GPHN: variants seen among roughly 807,000 people sequenced by gnomAD.
GPHN encodes the protein gephyrin.
A neutral mutation model predicts 95.5 loss-of-function variants in GPHN; 17 were observed. The ratio of observed to expected loss-of-function variants is 0.18; its 90% CI spans 0.12 to 0.27. GPHN has a LOEUF of 0.27. Among genes scored for constraint, GPHN ranks in the 10% least tolerant of loss-of-function variants. GPHN has a pLI of 1.00. For missense variants in GPHN, 660 were observed against 978.1 expected, an observed-to-expected ratio of 0.67 and a Z score of 4.34; for synonymous variants, 320 against 322.5, an observed-to-expected ratio of 0.99 and a Z score of 0.08.
At chr14:66,833,996 T>C (rs1379715835) in intron 4 of GPHN, among the ~76,000 whole-genome samples, 1 of 152,198 alleles carries the variant, frequency 6.6e-6, no homozygotes. Flanking sequence ...CATTCCAGCC[T>C]GAACATTTCA....
At chr14:66,587,500 A>G (rs891242524) in intron 1 of GPHN, among the ~76,000 whole-genome samples, 3 of 152,366 alleles carry the variant, frequency 2.0e-5, no homozygotes, top group Non-Finnish European at 2.9e-5. Context: ...AATTAAATTC[A>G]GTAACACATT....
intron 2 of GPHN, among the ~76,000 whole-genome samples, chr14:66,753,859 C>G (rs2153449229): frequency 6.6e-6 from 1 of 152,124 alleles, no homozygotes; most frequent in Middle Eastern, 3.4e-3. Context: ...TTACCAGTCA[C>G]TTTTTTTCTC....
rs566863452 is a variant in GPHN at position 66,839,384 on chromosome 14, C to T, written c.294+14818C>T. 6.5e-4 allele frequency among the ~76,000 whole-genome samples: 99 copies of T among 152,284 alleles called. 1 individual carries two copies. The highest frequency in any genetic ancestry group is 1.2e-3 in the Admixed American group (18 of 15,292). On this transcript the variant is annotated intron_variant, in intron 4 of 22. Coordinates refer to ENST00000478722, the MANE Select transcript of GPHN (RefSeq NM_020806.5). Reference sequence around the variant, plus strand: ...ATAATTTAAGTGTCTTACCCCTCAGCTTCTTCACTCCTTTCTATAGGTTGT... The same window carrying T: ...ATAATTTAAGTGTCTTACCCCTCAGTTTCTTCACTCCTTTCTATAGGTTGT...
chr14:67,734,835 T>G, the GPHN span, among the ~76,000 whole-genome samples: 2 of 152,206 alleles, frequency 1.3e-5, no homozygotes, highest in Admixed American at 6.5e-5. Context: ...ATCTCCTTCC[T>G]TCCTGAAGGA....
the GPHN span, chr14:67,616,081 A>C: frequency 3.4e-6 from 1 of 290,792 alleles, no homozygotes; most frequent in Non-Finnish European, 6.9e-6. Flanking sequence ...AATGAAGAAG[A>C]TGGTGATGAT....
the GPHN span, among the ~76,000 whole-genome samples, chr14:67,514,841 C>T: frequency 6.6e-6 from 1 of 152,230 alleles, no homozygotes; most frequent in Non-Finnish European, 1.5e-5. Context: ...CGCCCATCCC[C>T]CGCAGGGAAT....
chr14:67,266,347 G>A, the GPHN span, among the ~76,000 whole-genome samples: 2 of 149,844 alleles, frequency 1.3e-5, no homozygotes, highest in Non-Finnish European at 3.0e-5. Flanking sequence ...ATTTTTTTTT[G>A]AGGAGTCTCA....
rs574603573 is a variant in GPHN at position 67,065,988 on chromosome 14, C to A, written c.1144+7202C>A. ...ATTTGATCCTGTCATTATGATGTTA[C>A]CTGGTTATTTTACCTGTTAATTGAT... is the stretch of plus-strand genomic sequence containing the variant. On this transcript the variant is annotated intron_variant, in intron 11 of 22. Coordinates refer to ENST00000478722, the MANE Select transcript of GPHN (RefSeq NM_020806.5). Among the ~76,000 whole-genome samples the A allele has an allele frequency of 2.6e-5, 4 of 151,186 alleles. No individual in the cohort carries two copies. The South Asian group carries it at 8.4e-4, about 32-fold the overall frequency.
intron 1 of GPHN, among the ~76,000 whole-genome samples, chr14:66,604,933 A>T (rs1331637303): frequency 1.5e-5 from 2 of 137,766 alleles, no homozygotes; most frequent in Non-Finnish European, 3.0e-5. Context: ...TATTTAGGTC[A>T]CGCTTACAAG....
At chr14:66,655,996 T>C (rs1489488284) in intron 1 of GPHN, among the ~76,000 whole-genome samples, 1 of 152,178 alleles carries the variant, frequency 6.6e-6, no homozygotes, top group African/African-American at 2.4e-5. Context: ...TGAATTCTTT[T>C]ACTAATATTT....
intron 4 of GPHN, among the ~76,000 whole-genome samples, chr14:66,831,368 T>C (rs2061570876): frequency 6.6e-6 from 1 of 152,174 alleles, no homozygotes; most frequent in African/African-American, 2.4e-5. Flanking sequence ...AATTTAACAA[T>C]ATTAAATTGC....
intron 16 of GPHN, among the ~76,000 whole-genome samples, chr14:67,114,056 T>C (rs1298472962): frequency 6.6e-6 from 1 of 152,200 alleles, no homozygotes; most frequent in African/African-American, 2.4e-5. Context: ...AATGAAAATT[T>C]TCAGAGGTCT....
chr14:66,879,884 C>A, intron 4 of GPHN, 55 bp from the exon 5 acceptor site: 1 of 1,112,592 alleles, frequency 9.0e-7, no homozygotes. Flanking sequence ...ACTAGTCTGA[C>A]TTCATTCTTT....
At chr14:67,490,004 A>C in the GPHN span, among the ~76,000 whole-genome samples, 1 of 151,654 alleles carries the variant, frequency 6.6e-6, no homozygotes, top group African/African-American at 2.4e-5. Flanking sequence ...AAAAAAAAAA[A>C]ATTCTGTCTA....
the GPHN span, among the ~76,000 whole-genome samples, chr14:67,253,952 TA>T: frequency 1.3e-5 from 2 of 151,002 alleles, no homozygotes; most frequent in African/African-American, 2.4e-5. Context: ...TTTGTGTTAA[TA>T]TTTTGTTTTG....
chr14:67,493,058 C>T, the GPHN span, among the ~76,000 whole-genome samples: 265 of 152,182 alleles, frequency 1.7e-3, 2 homozygotes, highest in African/African-American at 5.9e-3. Flanking sequence ...GAGAAGAAGC[C>T]GTGCAAAGAA....
At chr14:66,718,057 C>T (rs1020338741) in intron 2 of GPHN, among the ~76,000 whole-genome samples, 6 of 152,074 alleles carry the variant, frequency 3.9e-5, no homozygotes, top group Non-Finnish European at 8.8e-5. Context: ...GTGGGTGGGG[C>T]CCTAGAATGC....
the GPHN span, among the ~76,000 whole-genome samples, chr14:67,517,145 G>A: frequency 6.6e-6 from 1 of 152,200 alleles, no homozygotes; most frequent in African/African-American, 2.4e-5. Flanking sequence ...GTGTCTCAGG[G>A]ACACGCTGGC....
intron 2 of GPHN, among the ~76,000 whole-genome samples, chr14:66,774,607 A>G (rs1303983071): frequency 6.6e-6 from 1 of 152,120 alleles, no homozygotes; most frequent in Non-Finnish European, 1.5e-5. Flanking sequence ...TATTCCACTT[A>G]TATTGTTTAA....
Sources: gnomAD v4.1 joint callset for allele counts (sites outside exome capture counted in the v4.1 genomes callset) on GRCh38, gnomAD v4.1.1 for gene constraint, MANE v1.5 for transcripts, NCBI Gene and HGNC (gene_info 2026-07-23, HGNC 2026-07-21) for gene names.